The following ANKDD1A variants were observed in gnomAD, a reference collection of about 807,000 sequenced individuals.
ANKDD1A encodes ankyrin repeat and death domain containing 1A.
Under a neutral mutation model 63.5 loss-of-function variants are expected in ANKDD1A, and 59 were observed. The observed-to-expected ratio is 0.93, with a 90% CI of 0.75 to 1.15. The LOEUF (loss-of-function observed/expected upper bound fraction) is 1.15, where lower values mean the gene tolerates loss of function less well. Ranked by LOEUF, ANKDD1A falls within the 50% of genes most tolerant of loss-of-function variation. The pLI is 0.00. For missense variants in ANKDD1A, 632 were observed against 656.4 expected (o/e 0.96, Z 0.41); for synonymous variants, 266 against 263.9 (o/e 1.01, Z -0.08).
At chr15:64,931,606 C>T (rs2085092213) in intron 8 of ANKDD1A, 21 bp downstream of exon 8, 4 of 1,611,628 alleles carry the variant, frequency 2.5e-6, no homozygotes, top group Admixed American at 1.7e-5. Flanking sequence ...CCTCCCAAGA[C>T]TGCGGTCGGC....
Position 64,941,316 on chromosome 15 carries a change from T to C in ANKDD1A, c.868-1151T>C, listed in dbSNP as rs376104880. Among the ~76,000 whole-genome samples, 11 of 152,200 alleles carry C rather than the reference T, an allele frequency of 7.2e-5. No individual in the cohort carries two copies. In the East Asian group the frequency reaches 1.3e-3, roughly 19 times the overall value. ...TGTCCTAGTCCATTTTGTGTTGCTA[T>C]AACTGAATACCATAGACTGGGTGAC... On this transcript the variant is annotated intron_variant, in intron 9 of 14. Transcript: ENST00000319580.
intron 14 of ANKDD1A, among the ~76,000 whole-genome samples, chr15:64,951,699 C>CG (rs1689899540): frequency 2.6e-3 from 20 of 7,576 alleles, no homozygotes; most frequent in South Asian, 8.1e-3. Context: ...TCCTCTTCTT[C>CG]TTCCTTATTT....
At chr15:64,922,305 C>T in intron 4 of ANKDD1A, 1 of 398,490 alleles carries the variant, frequency 2.5e-6, no homozygotes, top group Non-Finnish European at 4.6e-6. Flanking sequence ...CTCCTCCACC[C>T]TCCTGCCAGG....
intron 9 of ANKDD1A, among the ~76,000 whole-genome samples, chr15:64,935,873 A>G (rs992717219): frequency 3.3e-5 from 5 of 152,112 alleles, no homozygotes; most frequent in South Asian, 2.1e-4. Flanking sequence ...GGGAGTTTCA[A>G]ATGGTGACTA....
chr15:64,943,752 C>A (rs2085203457), intron 11 of ANKDD1A, 170 bp downstream of exon 11: 4 of 644,218 alleles, frequency 6.2e-6, no homozygotes, highest in South Asian at 5.3e-5. Context: ...TGACCTTCCA[C>A]CACCTTCCCC....
Position 64,930,825 on chromosome 15 carries a change from G to C in ANKDD1A, c.574G>C (p.Gly192Arg), listed in dbSNP as rs770463868. The change falls in exon 7 of 15, where the codon GGG (glycine) becomes CGG (arginine). Residue 192 changes from glycine (G) to arginine (R), a missense_variant. Coordinates refer to ENST00000319580, the MANE Select transcript of ANKDD1A (RefSeq NM_182703.6). ...TCAGGAGCCCTTTTTCCTGCAGGAGGGGAACACTGCCCTTCATCTGGCTGC... is the reference window on the plus strand; with the variant it reads ...TCAGGAGCCCTTTTTCCTGCAGGAGCGGAACACTGCCCTTCATCTGGCTGC... ...GCDHNVKDKE[G>R]NTALHLAAGR... is the part of the protein sequence containing the mutation. 43 of 1,612,220 alleles carry C rather than the reference G, an allele frequency of 2.7e-5. No homozygotes were observed. The highest frequency in any genetic ancestry group is 3.6e-5 in the Non-Finnish European group (42 of 1,179,796).
chr15:64,925,695 C>T (rs2085041165), intron 4 of ANKDD1A, among the ~76,000 whole-genome samples: 1 of 152,212 alleles, frequency 6.6e-6, no homozygotes, highest in African/African-American at 2.4e-5. Flanking sequence ...AATTAATTTT[C>T]AGTTGATAAA....
At chr15:64,951,699 C>CCTTATTCTTTTTTCTTCG (rs1689899540) in intron 14 of ANKDD1A, among the ~76,000 whole-genome samples, 20 of 7,578 alleles carry the variant, frequency 2.6e-3, no homozygotes, top group Non-Finnish European at 5.4e-3. Context: ...TCCTCTTCTT[C>CCTTATTCTTTTTTCTTCG]TTCCTTATTT....
At chr15:64,956,810 C>G (rs1436673897) in intron 14 of ANKDD1A, among the ~76,000 whole-genome samples, 1 of 152,158 alleles carries the variant, frequency 6.6e-6, no homozygotes, top group Non-Finnish European at 1.5e-5. Context: ...ACCTCAGCCT[C>G]CCAAAGTGCT....
Position 64,914,513 on chromosome 15 carries a change from T to C in ANKDD1A, c.35-1284T>C, listed in dbSNP as rs146717535. On this transcript the variant is annotated intron_variant, in intron 1 of 14. Coordinates refer to ENST00000319580, the MANE Select transcript of ANKDD1A (RefSeq NM_182703.6). ...TTTGCTTTTTAGCCCAGGCTGGTCT[T>C]GAACTCCTGGCTTCAAGCCATCCTC... 4.9e-3 allele frequency among the ~76,000 whole-genome samples: 742 copies of C among 152,336 alleles called. 5 individuals carry two copies. The highest frequency in any genetic ancestry group is 0.016 in the African/African-American group (684 of 41,580).
chr15:64,952,114 TC>T (rs2085298385), intron 14 of ANKDD1A, among the ~76,000 whole-genome samples: 50 of 14,900 alleles, frequency 3.4e-3, no homozygotes, highest in East Asian at 0.023. Context: ...CTTTTCTTCT[TC>T]TTTCTTCTCT....
At chr15:64,954,329 C>CTTCTTAG (rs2085381073) in intron 14 of ANKDD1A, among the ~76,000 whole-genome samples, 2,544 of 12,114 alleles carry the variant, frequency 0.21, 37 homozygotes, top group Non-Finnish European at 0.44. Flanking sequence ...TTAGTTCTTC[C>CTTCTTAG]TTCTTCTTCC....
At chr15:64,952,578 T>G (rs1376148946) in intron 14 of ANKDD1A, among the ~76,000 whole-genome samples, 1 of 32,588 alleles carries the variant, frequency 3.1e-5, no homozygotes, top group African/African-American at 8.1e-5. Flanking sequence ...CTTCTTCTCC[T>G]TCTTTTCTTC....
At chr15:64,953,746 CTCT>C (rs1566917875) in intron 14 of ANKDD1A, among the ~76,000 whole-genome samples, 1 of 130,166 alleles carries the variant, frequency 7.7e-6, no homozygotes, top group Non-Finnish European at 1.6e-5. Flanking sequence ...TTCTTCTTTC[CTCT>C]TTTCTTCGTT....
At chr15:64,953,522 T>TTCTCC (rs1417130639) in intron 14 of ANKDD1A, among the ~76,000 whole-genome samples, 2 of 131,140 alleles carry the variant, frequency 1.5e-5, no homozygotes, top group African/African-American at 6.0e-5. Flanking sequence ...CTTCTCCTTC[T>TTCTCC]TCCTTCTTCT....
In ANKDD1A at chr15:64,951,176, T is replaced by C. The variant is rs1294058043; in HGVS notation, c.1483+1204T>C. 17 of 1,062,162 alleles carry C rather than the reference T, an allele frequency of 1.6e-5. No homozygotes were observed. In the South Asian group the frequency reaches 2.8e-4, roughly 18 times the overall value. The allele number at this position is 1,062,162 out of a possible 1,614,324, so 65.8% of individuals were successfully genotyped here. A position where few individuals can be genotyped will look rare whatever the true frequency, so the allele number is the denominator to read the frequency against. Reference sequence around the variant, plus strand: ...CATGCAGAGCCCAGGAGGCAAATGTTTGTACACTGATCTTTTTCATGAGGA... The same window carrying C: ...CATGCAGAGCCCAGGAGGCAAATGTCTGTACACTGATCTTTTTCATGAGGA... On this transcript the variant is annotated intron_variant, in intron 14 of 14. Transcript: ENST00000319580.
chr15:64,954,395 TTCTTCCTTCC>T (rs2085384311), intron 14 of ANKDD1A, among the ~76,000 whole-genome samples: 1 of 147,560 alleles, frequency 6.8e-6, no homozygotes, highest in African/African-American at 2.5e-5. Context: ...TTCTTCTTTC[TTCTTCCTTCC>T]TCTTCTTCCT....
At position 64,916,320 on chromosome 15, in the gene ANKDD1A, G is replaced by A. The variant is rs190735506; in HGVS notation, c.138+420G>A. The stretch of plus-strand genomic sequence containing the variant: ...TCGTAAGAGCGTGTGCAGGAGGGTC[G>A]GCTTTTTTTCTTTTTTTTTTTTTTT... On this transcript the variant is annotated intron_variant, in intron 2 of 14. Transcript: ENST00000319580. 2.3e-3 allele frequency among the ~76,000 whole-genome samples: 342 copies of A among 151,718 alleles called. 3 individuals carry two copies. The highest frequency in any genetic ancestry group is 7.3e-3 in the African/African-American group (303 of 41,400).
intron 14 of ANKDD1A, among the ~76,000 whole-genome samples, chr15:64,951,651 CCTT>C (rs1428758488): frequency 6.1e-5 from 7 of 114,436 alleles, no homozygotes; most frequent in African/African-American, 1.8e-4. Flanking sequence ...TATCTTCTTT[CCTT>C]CTATCTTCTT....
Sources: allele counts gnomAD v4.1 joint callset (sites outside exome capture counted in the v4.1 genomes callset), GRCh38; gene constraint gnomAD v4.1.1; transcripts MANE v1.5; gene names NCBI Gene and HGNC (gene_info 2026-07-23, HGNC 2026-07-21).